The following KIF26B variants were observed in gnomAD, a reference collection of about 807,000 sequenced individuals.
KIF26B encodes the protein kinesin-like protein KIF26B.
In KIF26B, 63 loss-of-function variants were observed where a neutral mutation model predicts 151.2. That is an observed-to-expected ratio of 0.42 (90% CI 0.34 to 0.51). The LOEUF (loss-of-function observed/expected upper bound fraction) is 0.51, where lower values mean the gene tolerates loss of function less well. Ranked by LOEUF, KIF26B falls within the 20% of genes least tolerant of loss-of-function variation. KIF26B has a pLI of 0.07. For synonymous variants in KIF26B, 1,357 were observed against 1,262.1 expected, an observed-to-expected ratio of 1.08 and a Z score of -1.59; for missense variants, 2,813 against 2,913.6, an observed-to-expected ratio of 0.97 and a Z score of 0.79.
intron 2 of KIF26B, among the ~76,000 whole-genome samples, chr1:245,260,589 G>T (rs559717800): frequency 5.3e-5 from 8 of 152,362 alleles, no homozygotes; most frequent in African/African-American, 1.9e-4. Context: ...TTGGAGGCAT[G>T]TGTACCGGTT....
intron 8 of KIF26B, 120 bp downstream of exon 8, chr1:245,609,648 T>C (rs1222743308): frequency 9.1e-7 from 1 of 1,094,162 alleles, no homozygotes. Context: ...GTGTTTACTT[T>C]AAAGTGGACT....
At position 245,698,192 on chromosome 1, in the gene KIF26B, T is replaced by A; in HGVS notation, c.5911T>A (p.Trp1971Arg). Reference protein sequence around the residue: ...RKPPNSTGVRWVDGPLRSSPR... With the variant: ...RKPPNSTGVRRVDGPLRSSPR... The stretch of plus-strand genomic sequence containing the variant: ...ACCCCCCAACAGCACAGGCGTCCGC[T>A]GGGTGGATGGCCCCTTGCGGAGCAG... The change falls in exon 13 of 15, where the codon TGG becomes AGG. Residue 1971 changes from tryptophan to arginine, a missense_variant. Physicochemically the swap from Trp to Arg is moderately radical, Grantham distance 101. Transcript: ENST00000407071. This position sits in a 1 kb window ranked among gnomAD's most constrained non-coding sequence, Gnocchi z 4.0. 1 of 1,614,054 alleles carries A rather than the reference T, an allele frequency of 6.2e-7. No homozygotes were observed. The highest frequency in any genetic ancestry group is 1.6e-4 in the Middle Eastern group (1 of 6,062).
chr1:245,275,710 A>G (rs1670925068), intron 2 of KIF26B, among the ~76,000 whole-genome samples: 1 of 152,144 alleles, frequency 6.6e-6, no homozygotes, highest in South Asian at 2.1e-4. Flanking sequence ...GTATTATAGT[A>G]TTCTGTATTT....
chr1:245,269,972 T>C (rs569578863), intron 2 of KIF26B, among the ~76,000 whole-genome samples: 1 of 152,262 alleles, frequency 6.6e-6, no homozygotes, highest in Admixed American at 6.5e-5. Context: ...AGAGGTGGGG[T>C]TGCTAGATCA....
At chr1:245,265,166 C>T (rs943450125) in intron 2 of KIF26B, among the ~76,000 whole-genome samples, 1 of 132,656 alleles carries the variant, frequency 7.5e-6, no homozygotes, top group African/African-American at 2.9e-5. Context: ...CTTGCCACTG[C>T]ATTCCAGTCT....
chr1:245,207,302 G>C (rs1377391480), intron 2 of KIF26B, among the ~76,000 whole-genome samples: 1 of 152,236 alleles, frequency 6.6e-6, no homozygotes, highest in Non-Finnish European at 1.5e-5. Context: ...CCGAACACAG[G>C]AGGGAAAGGG....
intron 2 of KIF26B, among the ~76,000 whole-genome samples, chr1:245,319,815 A>C (rs6677029): frequency 0.99 from 150,387 of 152,316 alleles, 74,242 homozygotes; most frequent in East Asian, 1. Context: ...CAGTGCAGCC[A>C]TGTGGCTTGG....
chr1:245,703,269 A>T lies in KIF26B; in HGVS notation c.*663A>T, dbSNP rs575196773. 5.2e-5 allele frequency: 8 copies of T among 152,534 alleles called. No individual in the cohort carries two copies. In the South Asian group the frequency reaches 1.4e-3, roughly 28 times the overall value. The allele number at this position is 152,534 out of a possible 1,614,324, so 9.4% of individuals were successfully genotyped here. On this transcript the variant is annotated 3_prime_UTR_variant, in exon 15 of 15. Coordinates refer to ENST00000407071, the MANE Select transcript of KIF26B (RefSeq NM_018012.4). ...CTTTTATGGTTATTCTGGTGAGGCC[A>T]CTCAAACAGAGAGACTTCCCTCGGC...
intron 4 of KIF26B, among the ~76,000 whole-genome samples, chr1:245,424,131 A>C (rs1658566651): frequency 6.6e-6 from 1 of 151,898 alleles, no homozygotes; most frequent in South Asian, 2.1e-4. Context: ...GTCATGAGCC[A>C]CTGCACCTGG....
intron 2 of KIF26B, among the ~76,000 whole-genome samples, chr1:245,163,754 T>C (rs1294225670): frequency 2.6e-5 from 4 of 152,216 alleles, no homozygotes; most frequent in African/African-American, 9.6e-5. Context: ...TTATAGCTTT[T>C]GTTGCTATTG....
At chr1:245,408,155 A>T (rs1485677855) in intron 3 of KIF26B, among the ~76,000 whole-genome samples, 1 of 152,150 alleles carries the variant, frequency 6.6e-6, no homozygotes, top group African/African-American at 2.4e-5. Flanking sequence ...TTGTGATTCC[A>T]TCTTGACTAC....
rs772543656 is a variant in KIF26B, at chr1:245,684,344, C to G, written c.2370C>G (p.Ser790=). Residue 790 remains serine, a synonymous_variant, in exon 11 of 15, where the codon TCC becomes TCG. Transcript: ENST00000407071. ...AAVGSYAETL[S]TIQIASRVLR... ...TCGGGAGCTACGCGGAGACCCTGTCCACCATCCAGATTGCATCGAGAGTCT... is the reference window on the plus strand; with the variant it reads ...TCGGGAGCTACGCGGAGACCCTGTCGACCATCCAGATTGCATCGAGAGTCT... 2.5e-6 allele frequency: 4 copies of G among 1,613,744 alleles called. No homozygotes were observed. The highest frequency in any genetic ancestry group is 1.6e-4 in the Middle Eastern group (1 of 6,082).
chr1:245,184,050 G>GTGTTTTTTTTT (rs1668954019), intron 2 of KIF26B, among the ~76,000 whole-genome samples: 1 of 19,804 alleles, frequency 5.0e-5, no homozygotes, highest in Non-Finnish European at 9.9e-5. Context: ...GGGAGTTGTT[G>GTGTTTTTTTTT]TTTTTTTTTT....
At chr1:245,164,519 G>A (rs546352966) in intron 2 of KIF26B, among the ~76,000 whole-genome samples, 1 of 152,356 alleles carries the variant, frequency 6.6e-6, no homozygotes, top group African/African-American at 2.4e-5. Flanking sequence ...GGCAAGGAAC[G>A]TGGCGAAGCG....
chr1:245,396,702 A>G (rs1351571015), intron 3 of KIF26B, among the ~76,000 whole-genome samples: 1 of 152,194 alleles, frequency 6.6e-6, no homozygotes, highest in East Asian at 1.9e-4. Context: ...TCTGCTATGA[A>G]CCATGAATAT....
At chr1:245,634,784 A>G (rs1033613370) in intron 9 of KIF26B, among the ~76,000 whole-genome samples, 2 of 152,104 alleles carry the variant, frequency 1.3e-5, no homozygotes, top group Admixed American at 1.3e-4. Context: ...ATCACAGCTC[A>G]CTGCAATTTT....
intron 9 of KIF26B, among the ~76,000 whole-genome samples, chr1:245,631,633 G>A (rs570154766): frequency 1.1e-4 from 17 of 152,192 alleles, no homozygotes; most frequent in South Asian, 4.1e-4. Flanking sequence ...AAGACTTCCC[G>A]CCTCTTCAAT....
At chr1:245,508,333 T>C (rs1981203) in intron 4 of KIF26B, among the ~76,000 whole-genome samples, 8,615 of 152,204 alleles carry the variant, frequency 0.057, 332 homozygotes, top group African/African-American at 0.094. Flanking sequence ...CTCCGCCTCC[T>C]GGGTTCACAC....
At chr1:245,477,899 T>C (rs1660075331) in intron 4 of KIF26B, among the ~76,000 whole-genome samples, 1 of 151,684 alleles carries the variant, frequency 6.6e-6, no homozygotes, top group South Asian at 2.1e-4. Context: ...AGGCATATAA[T>C]TTACTGGTTT....
Sources: gnomAD v4.1 joint callset for allele counts (sites outside exome capture counted in the v4.1 genomes callset) on GRCh38, gnomAD v4.1.1 for gene constraint, Gnocchi (gnomAD v3.1) non-coding constraint, MANE v1.5 for transcripts, NCBI Gene and HGNC (gene_info 2026-07-23, HGNC 2026-07-21) for gene names.